The following CASK variants were observed in gnomAD, a reference collection of about 807,000 sequenced individuals.
CASK encodes the protein peripheral plasma membrane protein CASK.
CASK carries 4 observed loss-of-function variants against 82.9 expected under a neutral mutation model. That is an observed-to-expected ratio of 0.05 (90% CI 0.02 to 0.11). CASK has a LOEUF of 0.11. Ranked by LOEUF, CASK falls within the 10% of genes least tolerant of loss-of-function variation. The pLI is 1.00. For missense variants in CASK, 358 were observed against 720.9 expected, an observed-to-expected ratio of 0.50 and a Z score of 5.76; for synonymous variants, 259 against 253.5, an observed-to-expected ratio of 1.02 and a Z score of -0.20.
chrX:41,609,860 A>T, intron 12 of CASK, 44 bp downstream of exon 12: 2 of 1,198,656 alleles, frequency 1.7e-6, no homozygotes, highest in Admixed American at 4.4e-5. Context: ...CCCGGCCAAT[A>T]TTCAATTCAC....
At chrX:41,762,232 A>G (rs1225262252) in intron 3 of CASK, among the ~76,000 whole-genome samples, 1 of 112,176 alleles carries the variant, frequency 8.9e-6, no homozygotes, top group Admixed American at 9.4e-5. Flanking sequence ...TCTATACTCA[A>G]TAGAATTTAT....
At chrX:41,829,022 T>A (rs1222085377) in intron 2 of CASK, among the ~76,000 whole-genome samples, 2 of 112,249 alleles carry the variant, frequency 1.8e-5, no homozygotes, top group Non-Finnish European at 3.8e-5. Context: ...CAAGACTGAA[T>A]GAATACTTTT....
At chrX:41,890,738 C>T (rs1362266248) in intron 1 of CASK, among the ~76,000 whole-genome samples, 1 of 111,830 alleles carries the variant, frequency 8.9e-6, no homozygotes, top group African/African-American at 3.3e-5. Flanking sequence ...TGAATGCCTG[C>T]TGCATGCTGA....
chrX:41,625,502 T>G (rs1461918923), intron 10 of CASK, among the ~76,000 whole-genome samples: 2 of 110,478 alleles, frequency 1.8e-5, no homozygotes, highest in African/African-American at 6.6e-5. Context: ...CTCTTAATTT[T>G]TAAGAGGCGA....
At chrX:41,805,584 G>A (rs2070103466) in intron 2 of CASK, among the ~76,000 whole-genome samples, 1 of 111,624 alleles carries the variant, frequency 9.0e-6, no homozygotes, top group Non-Finnish European at 1.9e-5. Context: ...CTTGACTAAA[G>A]CCATACATAG....
rs1285228792 is a variant in CASK, at chrX:41,519,192, G to A, written c.*1228C>T. On this transcript the variant is annotated 3_prime_UTR_variant, in exon 27 of 27. Coordinates refer to ENST00000378163, the MANE Select transcript of CASK (RefSeq NM_001367721.1). ...TGAACAAATCTATAATGAAATGAAGGACCCAAAGGCATTTAATTATTGAAC... is the reference window on the plus strand; with the variant it reads ...TGAACAAATCTATAATGAAATGAAGAACCCAAAGGCATTTAATTATTGAAC... 1.8e-5 allele frequency: 2 copies of A among 111,384 alleles called. No homozygotes were observed. Among genetic ancestry groups the A allele is most frequent in the African/African-American group, 6.5e-5 (2 of 30,581 alleles). 9.2% of individuals were successfully genotyped at this position (111,384 alleles called of 1,213,427 possible).
intron 5 of CASK, among the ~76,000 whole-genome samples, chrX:41,674,075 G>A (rs765798438): frequency 2.7e-5 from 3 of 110,374 alleles, no homozygotes; most frequent in South Asian, 3.9e-4. Context: ...AGAGAACAGA[G>A]GAGGAAGAAA....
intron 2 of CASK, 83 bp from the exon 3 acceptor site, chrX:41,787,366 A>G (rs2069628911): frequency 3.4e-6 from 2 of 591,174 alleles, no homozygotes; most frequent in East Asian, 3.3e-5. Flanking sequence ...GATGTGATCT[A>G]TGGTAACATG....
chrX:41,840,832 C>G (rs1390345122), intron 2 of CASK, among the ~76,000 whole-genome samples: 2 of 112,099 alleles, frequency 1.8e-5, no homozygotes, highest in Non-Finnish European at 3.8e-5. Flanking sequence ...TGATGGATTA[C>G]ATTAATTGAT....
At chrX:41,830,830 A>AAC (rs1442812635) in intron 2 of CASK, among the ~76,000 whole-genome samples, 2 of 109,222 alleles carry the variant, frequency 1.8e-5, no homozygotes, top group African/African-American at 6.6e-5. Flanking sequence ...AAAAAAAAAA[A>AAC]AAAAAACAAA....
At chrX:41,812,098 T>C (rs1300214656) in intron 2 of CASK, among the ~76,000 whole-genome samples, 1 of 111,566 alleles carries the variant, frequency 9.0e-6, no homozygotes, top group Non-Finnish European at 1.9e-5. Context: ...CAATAATTAA[T>C]AGCCTACCAA....
chrX:41,692,346 C>T (rs982156512), intron 5 of CASK, among the ~76,000 whole-genome samples: 1 of 111,339 alleles, frequency 9.0e-6, no homozygotes, highest in Non-Finnish European at 1.9e-5. Context: ...TTTAAAAAAC[C>T]CTCAAGAGGA....
intron 4 of CASK, among the ~76,000 whole-genome samples, chrX:41,742,159 T>A (rs1382155254): frequency 8.9e-6 from 1 of 112,002 alleles, no homozygotes; most frequent in Non-Finnish European, 1.9e-5. Context: ...ACACGGGATC[T>A]CTGAGGCACA....
chrX:41,612,023 T>G (rs1332939931), intron 11 of CASK, among the ~76,000 whole-genome samples: 2 of 112,058 alleles, frequency 1.8e-5, no homozygotes, highest in African/African-American at 6.4e-5. Flanking sequence ...CAGGCTGGAG[T>G]GCAGTGGCGT....
intron 1 of CASK, among the ~76,000 whole-genome samples, chrX:41,865,876 C>T (rs1415245054): frequency 1.8e-5 from 2 of 111,787 alleles, no homozygotes; most frequent in African/African-American, 3.3e-5. Context: ...TTCCCAGGGC[C>T]ACTTGCTATT....
chrX:41,798,193 A>C (rs529655394), intron 2 of CASK, among the ~76,000 whole-genome samples: 5 of 112,164 alleles, frequency 4.5e-5, no homozygotes, highest in African/African-American at 1.6e-4. Context: ...TTAAATGATC[A>C]CAATTCCAAA....
Position 41,809,632 on chromosome X carries a change from A to T in CASK, c.173-22349T>A, listed in dbSNP as rs768488731. Among the ~76,000 whole-genome samples the T allele has an allele frequency of 1.4e-4, 16 of 112,053 alleles. No individual in the cohort carries two copies. In the South Asian group the frequency reaches 5.9e-3, roughly 41 times the overall value. Reference sequence around the variant, plus strand: ...ACCAAAGGTAGATAAAACCACAAAGATAGGGAAAAAACAGAGCAGAAAAGC... The same window carrying T: ...ACCAAAGGTAGATAAAACCACAAAGTTAGGGAAAAAACAGAGCAGAAAAGC... On this transcript the variant is annotated intron_variant, in intron 2 of 26. Transcript: ENST00000378163.
Position 41,670,537 on chromosome X carries a change from A to G in CASK, c.532+891T>C, listed in dbSNP as rs1031599390. On this transcript the variant is annotated intron_variant, in intron 6 of 26. Transcript: ENST00000378163. ...TGAGGCAGGAGGACTGCTTAGGCCC[A>G]GGAGTTTGAGACCAGCCTGGGCAAT... 4.5e-5 allele frequency among the ~76,000 whole-genome samples: 5 copies of G among 111,800 alleles called. No homozygotes were observed. In the East Asian group the frequency reaches 1.4e-3, roughly 31 times the overall value.
chrX:41,888,724 AATATATGTATATATATACAT>A (rs1447918921), intron 1 of CASK, among the ~76,000 whole-genome samples: 28 of 103,074 alleles, frequency 2.7e-4, no homozygotes, highest in Middle Eastern at 1.0e-2. Flanking sequence ...TATGTATGTG[AATATATGTATATATATACAT>A]ATATATGTAT....
Sources: gnomAD v4.1 joint callset for allele counts (sites outside exome capture counted in the v4.1 genomes callset) on GRCh38, gnomAD v4.1.1 for gene constraint, MANE v1.5 for transcripts, NCBI Gene and HGNC (gene_info 2026-07-23, HGNC 2026-07-21) for gene names.